The following SLC6A17 variants were observed in gnomAD, a reference collection of about 807,000 sequenced individuals.
SLC6A17 encodes sodium-dependent neutral amino acid transporter SLC6A17.
SLC6A17 carries 21 observed loss-of-function variants against 64.5 expected under a neutral mutation model. The observed-to-expected ratio is 0.33, with a 90% CI of 0.23 to 0.47. The LOEUF (loss-of-function observed/expected upper bound fraction) is 0.47. SLC6A17 is among the 20% of genes least tolerant of loss of function. The pLI is 1.00. For synonymous variants in SLC6A17, 372 were observed against 399.5 expected, an observed-to-expected ratio of 0.93 and a Z score of 0.82; for missense variants, 682 against 963.2, an observed-to-expected ratio of 0.71 and a Z score of 3.86.
intron 6 of SLC6A17, among the ~76,000 whole-genome samples, chr1:110,187,497 G>A (rs1460700035): frequency 6.6e-6 from 1 of 152,244 alleles, no homozygotes; most frequent in Non-Finnish European, 1.5e-5. Context: ...ACTTCTTACA[G>A]TTCATGATGT....
intron 1 of SLC6A17, among the ~76,000 whole-genome samples, chr1:110,164,102 G>A (rs765688376): frequency 2.7e-4 from 41 of 152,190 alleles, no homozygotes; most frequent in Non-Finnish European, 4.8e-4. Context: ...GAGACACTTT[G>A]CCTGTTTTGT....
chr1:110,198,365 C>T lies in SLC6A17; in HGVS notation c.2105C>T (p.Pro702Leu). 1 of 1,614,150 alleles carries T rather than the reference C, an allele frequency of 6.2e-7. No homozygotes were observed. The highest frequency in any genetic ancestry group is 8.5e-7 in the Non-Finnish European group (1 of 1,180,026). ...TATCTGGGGCCCGGCAGCACATCACCCCTGGAGACCAGCGGTAACCCCAAT... is the reference window on the plus strand; with the variant it reads ...TATCTGGGGCCCGGCAGCACATCACTCCTGGAGACCAGCGGTAACCCCAAT... The part of the protein sequence containing the change: ...RSYLGPGSTS[P>L]LETSGNPNGR... Residue 702 changes from proline (P) to leucine (L), a missense_variant, in exon 12 of 12, where the codon CCC becomes CTC. By Grantham distance (98) the Pro-to-Leu change is moderately conservative. Coordinates refer to ENST00000331565, the MANE Select transcript of SLC6A17 (RefSeq NM_001010898.4).
At chr1:110,173,850 G>GC in intron 3 of SLC6A17, 123 bp from the exon 4 acceptor site, 1 of 1,419,712 alleles carries the variant, frequency 7.0e-7, no homozygotes, top group Non-Finnish European at 9.4e-7. Flanking sequence ...ATCCCTCCTT[G>GC]CCTCTCTTGA....
chr1:110,157,356 C>T (rs1308796013), intron 1 of SLC6A17, among the ~76,000 whole-genome samples: 2 of 152,072 alleles, frequency 1.3e-5, no homozygotes, highest in East Asian at 1.9e-4. Flanking sequence ...AGGTAAATCA[C>T]GAGGTCAGGA....
At chr1:110,171,943 G>T in intron 2 of SLC6A17, 117 bp from the exon 3 acceptor site, 1 of 1,367,326 alleles carries the variant, frequency 7.3e-7, no homozygotes, top group South Asian at 1.4e-5. Context: ...CGGGACTGGT[G>T]ACAATTTGCG....
intron 1 of SLC6A17, among the ~76,000 whole-genome samples, chr1:110,162,629 G>T (rs1570980607): frequency 6.6e-6 from 1 of 152,158 alleles, no homozygotes; most frequent in South Asian, 2.1e-4. Context: ...AGGCTTTGGG[G>T]TCATTGGCTG....
rs749560311 is a variant in SLC6A17, at chr1:110,192,498, T to C, written c.1107-8T>C. The C allele has an allele frequency of 1.9e-6, 3 of 1,610,036 alleles. No homozygotes were observed. Among genetic ancestry groups the C allele is most frequent in the Non-Finnish European group, 2.5e-6 (3 of 1,177,988 alleles). On this transcript the variant is annotated splice_polypyrimidine_tract_variant and splice_region_variant and intron_variant, in intron 7 of 11. Coordinates refer to ENST00000331565, the MANE Select transcript of SLC6A17 (RefSeq NM_001010898.4). This position sits in a 1 kb window ranked among gnomAD's most constrained non-coding sequence, Gnocchi z 4.3. ...TTCTTACCTGGTCCTCTCGGTTTTG[T>C]GCTGCAGGAATGCTGAGAAAATCCT... is the stretch of plus-strand genomic sequence containing the variant.
intron 1 of SLC6A17, among the ~76,000 whole-genome samples, chr1:110,161,250 A>G (rs1273719702): frequency 6.6e-6 from 1 of 152,194 alleles, no homozygotes; most frequent in Non-Finnish European, 1.5e-5. Context: ...TGAGGTAATT[A>G]GGAGAACAGT....
intron 6 of SLC6A17, among the ~76,000 whole-genome samples, chr1:110,179,249 G>A (rs1656451615): frequency 6.6e-6 from 1 of 152,164 alleles, no homozygotes; most frequent in Admixed American, 6.5e-5. Context: ...ACACTACGCA[G>A]GTCTTCATGC....
chr1:110,174,255 T>C (rs529236010), intron 4 of SLC6A17, among the ~76,000 whole-genome samples, 156 bp downstream of exon 4: 15 of 152,314 alleles, frequency 9.8e-5, no homozygotes, highest in African/African-American at 3.6e-4. Context: ...CCAGTGGGAA[T>C]GGTCTCTTTT....
rs1185022275 is a variant in SLC6A17, at chr1:110,198,556, G to T, written c.*112G>T. 2 of 1,494,532 alleles carry T rather than the reference G, an allele frequency of 1.3e-6. No individual in the cohort carries two copies. The highest frequency in any genetic ancestry group is 1.8e-6 in the Non-Finnish European group (2 of 1,126,200). The allele number at this position is 1,494,532 out of a possible 1,614,324, so 92.6% of individuals were successfully genotyped here. Reference sequence around the variant, plus strand: ...GGCCCAGGCCAGGCCCTTTGCCCAAGAAGAGAGGGTCTGCCCTGCCTCACT... The same window carrying T: ...GGCCCAGGCCAGGCCCTTTGCCCAATAAGAGAGGGTCTGCCCTGCCTCACT... On this transcript the variant is annotated 3_prime_UTR_variant, in exon 12 of 12. Coordinates refer to ENST00000331565, the MANE Select transcript of SLC6A17 (RefSeq NM_001010898.4).
At chr1:110,172,741 T>G (rs1367021650) in intron 3 of SLC6A17, among the ~76,000 whole-genome samples, 2 of 152,094 alleles carry the variant, frequency 1.3e-5, no homozygotes, top group Non-Finnish European at 2.9e-5. Context: ...CCAAGGTGGG[T>G]GAGGCTTTGG....
At chr1:110,178,861 G>C (rs959554165) in intron 6 of SLC6A17, 1 of 152,188 alleles carries the variant, frequency 6.6e-6, no homozygotes, top group East Asian at 1.9e-4. Context: ...ATTAGGTTCT[G>C]TCATGGGAAT....
At position 110,166,880 on chromosome 1, in the gene SLC6A17, C is replaced by T. The variant is rs1263677444; in HGVS notation, c.-50C>T. ...GAAGGAGCTGACAGCAGCTGAATTC[C>T]ATCTTCTCTGTGTGCTGGGGAGCAG... On this transcript the variant is annotated 5_prime_UTR_variant, in exon 2 of 12. Coordinates refer to ENST00000331565, the MANE Select transcript of SLC6A17 (RefSeq NM_001010898.4). 1 of 1,544,790 alleles carries T rather than the reference C, an allele frequency of 6.5e-7. No individual in the cohort carries two copies.
intron 9 of SLC6A17, among the ~76,000 whole-genome samples, 193 bp from the exon 10 acceptor site, chr1:110,195,393 T>A (rs944097137): frequency 2.6e-5 from 4 of 152,204 alleles, no homozygotes; most frequent in Non-Finnish European, 5.9e-5. Context: ...CCTCAGGTGC[T>A]CCCCGACTAG....
At chr1:110,174,685 C>T (rs1380365880) in intron 4 of SLC6A17, 94 bp from the exon 5 acceptor site, 1 of 1,483,830 alleles carries the variant, frequency 6.7e-7, no homozygotes, top group Non-Finnish European at 9.2e-7. Context: ...TCAGCAGCTC[C>T]CTCACCCACT....
In SLC6A17 at chr1:110,200,489, T is replaced by G. The variant is rs1353370346; in HGVS notation, c.*2045T>G. 1 of 176,548 alleles carries G rather than the reference T, an allele frequency of 5.7e-6. No individual in the cohort carries two copies. The highest frequency in any genetic ancestry group is 1.5e-4 in the East Asian group (1 of 6,784). The allele number at this position is 176,548 out of a possible 1,614,324, so 10.9% of individuals were successfully genotyped here. ...ACTATATATACTCTTCTATATATTC[T>G]GTTTCTATTGTATATTCACTCTGTA... On this transcript the variant is annotated 3_prime_UTR_variant, in exon 12 of 12. Coordinates refer to ENST00000331565, the MANE Select transcript of SLC6A17 (RefSeq NM_001010898.4).
chr1:110,157,955 C>T (rs1451276921), intron 1 of SLC6A17, among the ~76,000 whole-genome samples: 1 of 152,182 alleles, frequency 6.6e-6, no homozygotes, highest in Admixed American at 6.5e-5. Context: ...CGTCCTTACC[C>T]CCATCTCTGT....
At chr1:110,156,795 A>G (rs903331180) in intron 1 of SLC6A17, among the ~76,000 whole-genome samples, 15 of 152,212 alleles carry the variant, frequency 9.9e-5, no homozygotes, top group Non-Finnish European at 1.9e-4. Context: ...GGAAAGAGAC[A>G]TCATGTTGGG....
Sources: allele counts gnomAD v4.1 joint callset (sites outside exome capture counted in the v4.1 genomes callset), GRCh38; gene constraint gnomAD v4.1.1; non-coding constraint Gnocchi (gnomAD v3.1); transcripts MANE v1.5; gene names NCBI Gene and HGNC (gene_info 2026-07-23, HGNC 2026-07-21).